Variants in ZNF844 observed in about 807,000 individuals in gnomAD.
ZNF844 encodes the protein zinc finger protein 844.
Under a neutral mutation model 11.4 loss-of-function variants are expected in ZNF844, and 11 were observed. The observed-to-expected ratio is 0.97, with a 90% confidence interval of 0.61 to 1.60. The LOEUF (loss-of-function observed/expected upper bound fraction) is 1.60. Among genes scored for constraint, ZNF844 ranks in the 40% most tolerant of loss-of-function variants. The pLI is 0.00. For missense variants in ZNF844, 790 were observed against 796.8 expected (o/e 0.99, Z 0.10); for synonymous variants, 248 against 260.3 (o/e 0.95, Z 0.46).
At chr19:12,065,489 A>G (rs1341496805) in intron 1 of ZNF844, among the ~76,000 whole-genome samples, 1 of 152,072 alleles carries the variant, frequency 6.6e-6, no homozygotes, top group Non-Finnish European at 1.5e-5. Flanking sequence ...CTGTGCTGCA[A>G]AAAGAAAGAC....
rs781362223 is a variant in ZNF844, at chr19:12,074,177, G to A, written c.130+20G>A. 2.2e-4 allele frequency: 358 copies of A among 1,612,542 alleles called. No homozygotes were observed. Among genetic ancestry groups the A allele is most frequent in the Non-Finnish European group, 2.8e-4 (335 of 1,179,512 alleles). On this transcript the variant is annotated intron_variant, in intron 2 of 3. Transcript: ENST00000439326. ...CCATAGGTAAGAATGACAGTATTACGTCCCCCAGTGAATGAGACAAGTGTT... is the reference window on the plus strand; with the variant it reads ...CCATAGGTAAGAATGACAGTATTACATCCCCCAGTGAATGAGACAAGTGTT...
In ZNF844 at chr19:12,072,653, C is replaced by T. The variant is rs539998486; in HGVS notation, c.4-1378C>T. Among the ~76,000 whole-genome samples the T allele has an allele frequency of 2.0e-3, 298 of 151,674 alleles. 1 individual carries two copies. Among genetic ancestry groups the T allele is most frequent in the African/African-American group, 6.6e-3 (275 of 41,374 alleles). On this transcript the variant is annotated intron_variant, in intron 1 of 3. Coordinates refer to ENST00000439326, the MANE Select transcript of ZNF844 (RefSeq NM_001136501.3). ...GGCTGAAGTGCAATGGCGCGATCTACGCTCACTGCAACCTCCGCCTCCCAG... is the reference window on the plus strand; with the variant it reads ...GGCTGAAGTGCAATGGCGCGATCTATGCTCACTGCAACCTCCGCCTCCCAG...
chr19:12,073,558 T>G (rs551154736), intron 1 of ZNF844, among the ~76,000 whole-genome samples: 1 of 150,696 alleles, frequency 6.6e-6, no homozygotes, highest in East Asian at 1.9e-4. Flanking sequence ...AAAATCCAGT[T>G]TTTTTTTTTT....
Position 12,074,045 on chromosome 19 carries a change from C to G in ZNF844, c.18C>G (p.Phe6Leu), listed in dbSNP as rs201752670. The change falls in exon 2 of 4, where the codon TTC becomes TTG. Residue 6 changes from phenylalanine to leucine, a missense_variant. Phe to Leu is a conservative substitution (Grantham distance 22). Transcript: ENST00000439326. ...GGATGTTTCAGGACTTGGTGGCTTTCGAGGATGTGGCTGTGAACTTCACCC... is the reference window on the plus strand; with the variant it reads ...GGATGTTTCAGGACTTGGTGGCTTTGGAGGATGTGGCTGTGAACTTCACCC... The part of the protein sequence containing the change: MDLVA[F>L]EDVAVNFTQE... 6.2e-7 allele frequency: 1 copy of G among 1,612,896 alleles called. No individual in the cohort carries two copies. The highest frequency in any genetic ancestry group is 8.5e-7 in the Non-Finnish European group (1 of 1,179,326).
chr19:12,077,461 A>T lies in ZNF844; in HGVS notation c.*340A>T, dbSNP rs902531659. 6 of 599,790 alleles carry T rather than the reference A, an allele frequency of 1.0e-5. No individual in the cohort carries two copies. The allele number at this position is 599,790 out of a possible 1,614,324, so 37.2% of individuals were successfully genotyped here. ...GAAAAGACCCACACCAGAGAGAAAC[A>T]CTATGAATGTAAGCAGTGTGGGAAA... On this transcript the variant is annotated 3_prime_UTR_variant, in exon 4 of 4. Transcript: ENST00000439326.
chr19:12,076,798 A>G lies in ZNF844; in HGVS notation c.1678A>G (p.Ile560Val), dbSNP rs1975829031. 2 of 1,566,652 alleles carry G rather than the reference A, an allele frequency of 1.3e-6. No individual in the cohort carries two copies. Among genetic ancestry groups the G allele is most frequent in the South Asian group, 1.2e-5 (1 of 86,550 alleles). Residue 560 changes from isoleucine to valine, a missense_variant, in exon 4 of 4, where the codon ATA becomes GTA. This residue lies in a region of ZNF844 where 657 missense variants were observed against 636.2 expected (regional missense o/e 1.03). Transcript: ENST00000439326. Reference protein sequence around the residue: ...MKRHTLERNPIRNMEKHSTIS... With the variant: ...MKRHTLERNPVRNMEKHSTIS... The stretch of plus-strand genomic sequence containing the variant: ...AAGACACACCCTGGAGAGAAACCCT[A>G]TAAGGAATATGGAAAAGCATTCAAC...
In ZNF844 at chr19:12,076,803, G is replaced by GA; in HGVS notation, c.1685dup (p.Asn562LysfsTer82). 6.4e-7 allele frequency: 1 copy of GA among 1,563,996 alleles called. No homozygotes were observed. The highest frequency in any genetic ancestry group is 1.2e-5 in the South Asian group (1 of 86,274). On this transcript the variant is annotated frameshift_variant, in exon 4 of 4. Coordinates refer to ENST00000439326, the MANE Select transcript of ZNF844 (RefSeq NM_001136501.3). LOFTEE classifies it low-confidence loss of function (END_TRUNC). ...ACACCCTGGAGAGAAACCCTATAAGGAATATGGAAAAGCATTCAACAATTT... is the reference window on the plus strand; with the variant it reads ...ACACCCTGGAGAGAAACCCTATAAGGAAATATGGAAAAGCATTCAACAATTT...
intron 1 of ZNF844, among the ~76,000 whole-genome samples, chr19:12,067,777 G>C (rs151245633): frequency 1.3e-5 from 2 of 151,206 alleles, no homozygotes; most frequent in African/African-American, 4.9e-5. Flanking sequence ...TTAGCCGGGC[G>C]TGGTAGTGGG....
chr19:12,075,902 C>T lies in ZNF844; in HGVS notation c.782C>T (p.Ala261Val), dbSNP rs772415585. Residue 261 changes from alanine (A) to valine (V), a missense_variant, in exon 4 of 4, where the codon GCA (alanine) becomes GTA (valine). This residue lies in a region of ZNF844 where 657 missense variants were observed against 636.2 expected (regional missense o/e 1.03). Coordinates refer to ENST00000439326, the MANE Select transcript of ZNF844 (RefSeq NM_001136501.3). ...KPYECKECGKAFGSPNSLYEH... is the reference protein window; with the variant it reads ...KPYECKECGKVFGSPNSLYEH... Reference sequence around the variant, plus strand: ...TATGAATGTAAGGAATGTGGGAAAGCATTCGGTAGTCCCAATTCCCTTTAT... The same window carrying T: ...TATGAATGTAAGGAATGTGGGAAAGTATTCGGTAGTCCCAATTCCCTTTAT... 6.2e-6 allele frequency: 10 copies of T among 1,608,034 alleles called. 1 individual carries two copies. In the East Asian group the frequency reaches 2.0e-4, roughly 32 times the overall value.
At position 12,080,749 on chromosome 19, in the gene ZNF844, A is replaced by G. The variant is rs8111750; in HGVS notation, c.*3628A>G. On this transcript the variant is annotated 3_prime_UTR_variant, in exon 4 of 4. Coordinates refer to ENST00000439326, the MANE Select transcript of ZNF844 (RefSeq NM_001136501.3). ...AATGAAAAAGCCCCATCTGTAATAC[A>G]GTTTTTCTTTTTCTTTTTTTTTGAG... The G allele has an allele frequency of 0.28, 43,089 of 152,154 alleles. 10,127 individuals are homozygous for G. The highest frequency in any genetic ancestry group is 0.65 in the African/African-American group (26,876 of 41,372). 9.4% of individuals were successfully genotyped at this position (152,154 alleles called of 1,614,324 possible).
At chr19:12,064,933 G>A (rs889005034) in intron 1 of ZNF844, 57 bp downstream of exon 1, 10 of 1,543,084 alleles carry the variant, frequency 6.5e-6, no homozygotes, top group Non-Finnish European at 7.0e-6. Flanking sequence ...GGCGGAGGCT[G>A]GTTGGAACTG....
At chr19:12,066,180 C>T (rs1408286569) in intron 1 of ZNF844, among the ~76,000 whole-genome samples, 2 of 151,976 alleles carry the variant, frequency 1.3e-5, no homozygotes, top group African/African-American at 2.4e-5. Context: ...CTCACCTCGG[C>T]CCCCCAAAGT....
At position 12,078,504 on chromosome 19, in the gene ZNF844, A is replaced by G. The variant is rs555325102; in HGVS notation, c.*1383A>G. 6.6e-6 allele frequency: 1 copy of G among 152,324 alleles called. No homozygotes were observed. Among genetic ancestry groups the G allele is most frequent in the African/African-American group, 2.4e-5 (1 of 41,568 alleles). The allele number at this position is 152,324 out of a possible 1,614,324, so 9.4% of individuals were successfully genotyped here. On this transcript the variant is annotated 3_prime_UTR_variant, in exon 4 of 4. Transcript: ENST00000439326. ...TCATGCATTAGATCAAGTTTATGTT[A>G]CCACATTATTTTTTGGACATTGTGA... is the stretch of plus-strand genomic sequence containing the variant.
At position 12,077,042 on chromosome 19, in the gene ZNF844, A is replaced by G. The variant is rs777022146; in HGVS notation, c.1922A>G (p.His641Arg). The change falls in exon 4 of 4, where the codon CAT (histidine) becomes CGT (arginine). Residue 641 changes from histidine (H) to arginine (R), a missense_variant. This residue lies in a region of ZNF844 where 657 missense variants were observed against 636.2 expected (regional missense o/e 1.03). Transcript: ENST00000439326. ...YTKGCTLERN[H>R]INVRIVGKHS... ...AAAGGATGCACACTGGAGAGAAACC[A>G]TATTAATGTAAGGATTGTGGGAAAG... The G allele has an allele frequency of 1.6e-5, 25 of 1,596,796 alleles. No homozygotes were observed. The highest frequency in any genetic ancestry group is 2.0e-5 in the Non-Finnish European group (23 of 1,171,026).
chr19:12,071,691 A>G (rs908892411), intron 1 of ZNF844, among the ~76,000 whole-genome samples: 5 of 142,420 alleles, frequency 3.5e-5, no homozygotes, highest in Non-Finnish European at 7.5e-5. Flanking sequence ...CTTTCAATCA[A>G]TTAGGTTTTT....
chr19:12,069,983 G>A (rs1417841709), intron 1 of ZNF844, among the ~76,000 whole-genome samples: 4 of 150,362 alleles, frequency 2.7e-5, no homozygotes, highest in East Asian at 3.9e-4. Context: ...GAGGCCGGGC[G>A]CGGTGGCTCA....
In ZNF844 at chr19:12,076,625, A is replaced by G. The variant is rs762443995; in HGVS notation, c.1505A>G (p.Asn502Ser). Residue 502 changes from asparagine to serine, a missense_variant, in exon 4 of 4, where the codon AAC (asparagine) becomes AGC (serine). Transcript: ENST00000439326. ...DIMKGLTLER[N>S]PMSVSNVGKP... Reference sequence around the variant, plus strand: ...ATGAAAGGACTCACACTGGAGAGAAACCCTATGAGTGTAAGCAATGTGGGA... The same window carrying G: ...ATGAAAGGACTCACACTGGAGAGAAGCCCTATGAGTGTAAGCAATGTGGGA... 1 of 1,613,836 alleles carries G rather than the reference A, an allele frequency of 6.2e-7. No homozygotes were observed.
At chr19:12,068,892 C>T (rs1975721173) in intron 1 of ZNF844, among the ~76,000 whole-genome samples, 1 of 152,100 alleles carries the variant, frequency 6.6e-6, no homozygotes, top group South Asian at 2.1e-4. Flanking sequence ...TAAGGTCAAT[C>T]AGAAGCCTGC....
intron 1 of ZNF844, among the ~76,000 whole-genome samples, chr19:12,067,416 G>A (rs532179144): frequency 3.2e-4 from 48 of 150,020 alleles, no homozygotes; most frequent in Non-Finnish European, 5.5e-4. Context: ...GACCAGGCTG[G>A]CTAACATGGT....
Sources: allele counts gnomAD v4.1 joint callset (sites outside exome capture counted in the v4.1 genomes callset), GRCh38; gene constraint gnomAD v4.1.1; regional missense constraint gnomAD v4.1.1; transcripts MANE v1.5; gene names NCBI Gene and HGNC (gene_info 2026-07-23, HGNC 2026-07-21).